The following FHIT variants were observed in gnomAD, a reference collection of about 807,000 sequenced individuals.
FHIT encodes the protein fragile histidine triad diadenosine triphosphatase.
FHIT carries 19 observed loss-of-function variants against 17.9 expected under a neutral mutation model. The ratio of observed to expected loss-of-function variants is 1.06; its 90% CI spans 0.74 to 1.56. FHIT has a LOEUF of 1.56. Among genes scored for constraint, FHIT ranks in the 40% most tolerant of loss-of-function variants. FHIT has a pLI of 0.00. For synonymous variants in FHIT, 81 were observed against 69.7 expected (o/e 1.16, Z -0.81); for missense variants, 248 against 189.2 (o/e 1.31, Z -1.82).
intron 5 of FHIT, among the ~76,000 whole-genome samples, chr3:60,398,309 G>A (rs1207528847): frequency 6.6e-6 from 1 of 152,082 alleles, no homozygotes; most frequent in Non-Finnish European, 1.5e-5. Context: ...CTTCTCTCCT[G>A]AAAATCTTTG....
chr3:60,012,315 C>T (rs1230175159), intron 6 of FHIT, among the ~76,000 whole-genome samples: 3 of 140,960 alleles, frequency 2.1e-5, no homozygotes, highest in African/African-American at 8.1e-5. Context: ...GTTGTCCAGG[C>T]CAGAGTATGG....
intron 5 of FHIT, among the ~76,000 whole-genome samples, chr3:60,038,313 G>A (rs11718208): frequency 0.36 from 54,628 of 151,850 alleles, 11,331 homozygotes; most frequent in Middle Eastern, 0.57. Context: ...GACTATTTAC[G>A]AATGTTAACC....
intron 5 of FHIT, among the ~76,000 whole-genome samples, chr3:60,244,919 T>C (rs1192049734): frequency 1.3e-5 from 2 of 152,102 alleles, no homozygotes; most frequent in East Asian, 3.8e-4. Flanking sequence ...TTAGAAAAAC[T>C]GTATCATAAA....
intron 7 of FHIT, among the ~76,000 whole-genome samples, chr3:60,003,169 C>T (rs529434853): frequency 2.0e-5 from 3 of 152,036 alleles, no homozygotes; most frequent in African/African-American, 4.8e-5. Context: ...ACTGTAAAGC[C>T]GAAACCCTCA....
intron 4 of FHIT, among the ~76,000 whole-genome samples, chr3:60,719,999 T>C (rs2041773812): frequency 6.6e-6 from 1 of 152,152 alleles, no homozygotes; most frequent in South Asian, 2.1e-4. Context: ...GAAAAGCAAA[T>C]GTGATCAGAG....
At chr3:60,048,097 C>G (rs538433636) in intron 5 of FHIT, among the ~76,000 whole-genome samples, 2 of 152,258 alleles carry the variant, frequency 1.3e-5, no homozygotes, top group African/African-American at 4.8e-5. Context: ...CTTTGTGTGT[C>G]CTAATCTCCT....
At chr3:60,167,842 G>A (rs1015567067) in intron 5 of FHIT, among the ~76,000 whole-genome samples, 1 of 152,102 alleles carries the variant, frequency 6.6e-6, no homozygotes, top group East Asian at 1.9e-4. Context: ...ACCAGCCTGG[G>A]CATCACAGTG....
intron 1 of FHIT, among the ~76,000 whole-genome samples, chr3:61,232,130 T>G (rs1395811342): frequency 1.3e-5 from 2 of 152,206 alleles, no homozygotes; most frequent in Non-Finnish European, 2.9e-5. Flanking sequence ...ATGCCTGTAA[T>G]CCCAGCACTT....
chr3:60,204,130 G>A (rs1703046099), intron 5 of FHIT, among the ~76,000 whole-genome samples: 2 of 152,124 alleles, frequency 1.3e-5, no homozygotes, highest in Non-Finnish European at 2.9e-5. Flanking sequence ...GATGGATACT[G>A]CATTTACATT....
intron 2 of FHIT, among the ~76,000 whole-genome samples, chr3:61,043,696 G>C (rs903748537): frequency 4.6e-5 from 7 of 152,144 alleles, no homozygotes; most frequent in African/African-American, 1.4e-4. Context: ...GGGTCCCTGA[G>C]ACCCAAGTAG....
intron 5 of FHIT, among the ~76,000 whole-genome samples, chr3:60,069,476 A>G (rs1192051841): frequency 6.6e-6 from 1 of 152,224 alleles, no homozygotes; most frequent in Non-Finnish European, 1.5e-5. Flanking sequence ...ACATTACATA[A>G]AACACTGCTC....
At chr3:61,060,369 T>A (rs1046111001) in intron 2 of FHIT, among the ~76,000 whole-genome samples, 2 of 152,198 alleles carry the variant, frequency 1.3e-5, no homozygotes, top group Admixed American at 1.3e-4. Context: ...AAGGACTTAC[T>A]GTACTTTACT....
At chr3:59,751,051 T>TGTAAC (rs1700868444) in intron 9 of FHIT, 2 of 180,594 alleles carry the variant, frequency 1.1e-5, no homozygotes, top group Admixed American at 1.3e-4. Flanking sequence ...AGAAACTATT[T>TGTAAC]ATAGGAGAGG....
At chr3:59,775,486 G>A (rs1171125325) in intron 8 of FHIT, among the ~76,000 whole-genome samples, 1 of 152,130 alleles carries the variant, frequency 6.6e-6, no homozygotes, top group Admixed American at 6.5e-5. Context: ...CCATTCCCGA[G>A]TTTAACAGCT....
chr3:60,168,227 G>C (rs576467534), intron 5 of FHIT, among the ~76,000 whole-genome samples: 2 of 152,154 alleles, frequency 1.3e-5, no homozygotes, highest in Admixed American at 6.5e-5. Flanking sequence ...ACAAGAGACC[G>C]ACAGACTTCA....
chr3:60,155,809 A>G (rs528632837), intron 5 of FHIT, among the ~76,000 whole-genome samples: 67 of 152,236 alleles, frequency 4.4e-4, no homozygotes, highest in African/African-American at 1.5e-3. Context: ...AACACATGTC[A>G]AGGGCCATCC....
At chr3:60,084,930 T>C (rs931608304) in intron 5 of FHIT, among the ~76,000 whole-genome samples, 3 of 152,194 alleles carry the variant, frequency 2.0e-5, no homozygotes, top group Non-Finnish European at 4.4e-5. Flanking sequence ...TCTTCTGTTA[T>C]CATTCTCCCT....
intron 5 of FHIT, among the ~76,000 whole-genome samples, chr3:60,428,154 A>G (rs1321952627): frequency 6.6e-6 from 1 of 152,188 alleles, no homozygotes; most frequent in Admixed American, 6.6e-5. Flanking sequence ...GAGGGCTCTC[A>G]AAGTCCAATA....
At chr3:60,462,194 C>G (rs949276548) in intron 5 of FHIT, among the ~76,000 whole-genome samples, 16 of 152,134 alleles carry the variant, frequency 1.1e-4, no homozygotes, top group African/African-American at 3.9e-4. Flanking sequence ...TTAAAGAGAG[C>G]TACCATGCAG....
Sources: gnomAD v4.1 joint callset for allele counts (sites outside exome capture counted in the v4.1 genomes callset) on GRCh38, gnomAD v4.1.1 for gene constraint, MANE v1.5 for transcripts, NCBI Gene and HGNC (gene_info 2026-07-23, HGNC 2026-07-21) for gene names.